The following RAVER2 variants were observed in gnomAD, a reference collection of about 807,000 sequenced individuals.
RAVER2 encodes ribonucleoprotein, PTB binding 2.
A neutral mutation model predicts 78.1 loss-of-function variants in RAVER2; 46 were observed. That is an observed-to-expected ratio of 0.59 (90% CI 0.46 to 0.75). RAVER2 has a LOEUF of 0.75. Among genes scored for constraint, RAVER2 ranks in the 30% least tolerant of loss-of-function variants. RAVER2 has a pLI of 0.00. For missense variants in RAVER2, 793 were observed against 837.5 expected (o/e 0.95, Z 0.66); for synonymous variants, 311 against 313.3 (o/e 0.99, Z 0.08).
At chr1:64,777,945 C>G in exon 3 of RAVER2, 1 of 1,614,078 alleles carries the variant, frequency 6.2e-7, no homozygotes, top group Admixed American at 1.7e-5. Context: ...CATCAGCACT[C>G]TTTGCACAAT....
At chr1:64,748,999 AT>A (rs1165274421) in intron 1 of RAVER2, among the ~76,000 whole-genome samples, 204 of 145,996 alleles carry the variant, frequency 1.4e-3, no homozygotes, top group African/African-American at 1.9e-3. Flanking sequence ...TGCCAGGCTA[AT>A]TTTTTTTTTT....
At chr1:64,792,221 T>G (rs1156725671) in intron 5 of RAVER2, among the ~76,000 whole-genome samples, 1 of 152,224 alleles carries the variant, frequency 6.6e-6, no homozygotes, top group Non-Finnish European at 1.5e-5. Context: ...ACAGGACATG[T>G]GCTTTAAATC....
chr1:64,795,387 T>G (rs2100860665), intron 5 of RAVER2, among the ~76,000 whole-genome samples: 1 of 152,278 alleles, frequency 6.6e-6, no homozygotes, highest in South Asian at 2.1e-4. Context: ...TGTGTTGATT[T>G]GTATGCTAAT....
At chr1:64,815,634 T>C (rs1653738193) in intron 11 of RAVER2, 1 of 152,112 alleles carries the variant, frequency 6.6e-6, no homozygotes, top group Admixed American at 6.5e-5. Flanking sequence ...TTCGTTGGAG[T>C]CTTGTCTCCA....
chr1:64,813,107 C>T (rs1653665214), intron 10 of RAVER2, among the ~76,000 whole-genome samples: 1 of 152,142 alleles, frequency 6.6e-6, no homozygotes, highest in Non-Finnish European at 1.5e-5. Context: ...TCTTATATAT[C>T]TTGAGTATTT....
intron 1 of RAVER2, among the ~76,000 whole-genome samples, chr1:64,756,157 A>G (rs1390313633): frequency 6.6e-6 from 1 of 152,056 alleles, no homozygotes; most frequent in South Asian, 2.1e-4. Flanking sequence ...GTCAAGTTTT[A>G]TGTCTTTAGC....
At chr1:64,825,814 A>T (rs1653992297) in intron 11 of RAVER2, among the ~76,000 whole-genome samples, 1 of 152,262 alleles carries the variant, frequency 6.6e-6, no homozygotes, top group Non-Finnish European at 1.5e-5. Context: ...TGAAAATAAA[A>T]AGATTTGCTT....
chr1:64,753,669 G>A (rs538275299), intron 1 of RAVER2, among the ~76,000 whole-genome samples: 3 of 151,220 alleles, frequency 2.0e-5, no homozygotes, highest in African/African-American at 4.9e-5. Context: ...GATTACAGGC[G>A]CCCGCCACCA....
rs988708584 is a variant in RAVER2 at position 64,820,658 on chromosome 1, G to A, written c.1929+5818G>A. On this transcript the variant is annotated intron_variant, in intron 11 of 11. Coordinates refer to ENST00000294428, the Ensembl canonical transcript of RAVER2. ...AGCTCCCACTTACAAGTGAGAACAC[G>A]CGGTATTTGGTTTTCTGTTCCTGCA... 9.2e-5 allele frequency among the ~76,000 whole-genome samples: 14 copies of A among 152,268 alleles called. No homozygotes were observed. In the South Asian group the frequency reaches 2.1e-3, roughly 23 times the overall value.
chr1:64,819,807 T>G (rs1296605393), intron 11 of RAVER2, among the ~76,000 whole-genome samples: 1 of 152,194 alleles, frequency 6.6e-6, no homozygotes, highest in East Asian at 1.9e-4. Flanking sequence ...CGTTTGGGGC[T>G]GAATAATTCT....
At chr1:64,792,827 T>A (rs537483620) in intron 5 of RAVER2, among the ~76,000 whole-genome samples, 1 of 152,340 alleles carries the variant, frequency 6.6e-6, no homozygotes, top group South Asian at 2.1e-4. Flanking sequence ...CTATGTCCTT[T>A]ACTATATCAT....
intron 1 of RAVER2, among the ~76,000 whole-genome samples, chr1:64,754,433 C>T (rs1280138369): frequency 1.3e-5 from 2 of 152,212 alleles, no homozygotes; most frequent in Non-Finnish European, 2.9e-5. Flanking sequence ...GCGGACTACC[C>T]ACCTACCTTG....
At chr1:64,778,350 G>A (rs527765233) in intron 3 of RAVER2, among the ~76,000 whole-genome samples, 2 of 152,068 alleles carry the variant, frequency 1.3e-5, no homozygotes, top group African/African-American at 2.4e-5. Flanking sequence ...CCATCCATTC[G>A]TCCCACCATT....
intron 5 of RAVER2, among the ~76,000 whole-genome samples, chr1:64,792,143 T>C (rs966740008): frequency 2.0e-5 from 3 of 152,218 alleles, no homozygotes; most frequent in Admixed American, 6.5e-5. Flanking sequence ...TTTTCTGCAA[T>C]TCTCTTTTTA....
At chr1:64,777,812 A>G (rs1652509871) in exon 3 of RAVER2, 3 of 1,614,104 alleles carry the variant, frequency 1.9e-6, no homozygotes, top group Non-Finnish European at 8.5e-7. Flanking sequence ...GGAAATATTG[A>G]GAGATGTTTT....
chr1:64,777,809 T>C lies in RAVER2; in HGVS notation c.503T>C (p.Ile168Thr), dbSNP rs572662102. 1.7e-5 allele frequency: 28 copies of C among 1,613,976 alleles called. No individual in the cohort carries two copies. The highest frequency in any genetic ancestry group is 3.3e-5 in the Admixed American group (2 of 59,992). ...GAACTTGTTCGTGCTTATGGAAATA[T>C]TGAGAGATGTTTTCTGGTCTATAGT... The change falls in exon 3 of 12, where the codon ATT becomes ACT. Residue 168 changes from isoleucine to threonine, a missense_variant. Coordinates refer to ENST00000294428, the Ensembl canonical transcript of RAVER2.
chr1:64,790,348 C>A (rs1356984532), intron 5 of RAVER2, among the ~76,000 whole-genome samples: 1 of 152,222 alleles, frequency 6.6e-6, no homozygotes, highest in Admixed American at 6.5e-5. Context: ...TGTACCTACT[C>A]TGTATACATT....
At chr1:64,792,289 T>C (rs1172152033) in intron 5 of RAVER2, among the ~76,000 whole-genome samples, 1 of 152,214 alleles carries the variant, frequency 6.6e-6, no homozygotes, top group Non-Finnish European at 1.5e-5. Context: ...TCCCAAAATA[T>C]GATGTGCACA....
chr1:64,832,509 G>GA (rs1340173429), exon 12 of RAVER2: 5 of 152,290 alleles, frequency 3.3e-5, no homozygotes, highest in Non-Finnish European at 7.4e-5. Context: ...GGGAATTTGG[G>GA]ATCTCAATCC....
Sources: gnomAD v4.1 joint callset for allele counts (sites outside exome capture counted in the v4.1 genomes callset) on GRCh38, gnomAD v4.1.1 for gene constraint, MANE v1.5 for transcripts, NCBI Gene and HGNC (gene_info 2026-07-23, HGNC 2026-07-21) for gene names.